The following PHACTR1 variants were observed in gnomAD, a reference collection of about 807,000 sequenced individuals.
PHACTR1 encodes phosphatase and actin regulator 1, also known as RPEL repeat containing 1.
PHACTR1 carries 16 observed loss-of-function variants against 69.2 expected under a neutral mutation model. That is an observed-to-expected ratio of 0.23 (90% CI 0.16 to 0.35). The LOEUF is 0.35. PHACTR1 is among the 10% of genes least tolerant of loss of function. The pLI, the probability that PHACTR1 is intolerant of heterozygous loss-of-function variation, is 1.00. For missense variants in PHACTR1, 510 were observed against 734.7 expected (o/e 0.69, Z 3.54); for synonymous variants, 312 against 284.5 (o/e 1.10, Z -0.97).
intron 4 of PHACTR1, among the ~76,000 whole-genome samples, chr6:12,866,364 G>A (rs966411638): frequency 6.6e-6 from 1 of 152,074 alleles, no homozygotes; most frequent in African/African-American, 2.4e-5. Context: ...CTTAACCTAT[G>A]GGCTATTTTA....
intron 5 of PHACTR1, among the ~76,000 whole-genome samples, chr6:13,114,256 T>C (rs1817482817): frequency 6.6e-6 from 1 of 152,148 alleles, no homozygotes. Flanking sequence ...TTTTTTTCCT[T>C]TCTAAAAACT....
intron 10 of PHACTR1, chr6:13,272,618 G>C: frequency 7.9e-7 from 1 of 1,262,432 alleles, no homozygotes; most frequent in Non-Finnish European, 1.1e-6. Context: ...ATGGGGCTGG[G>C]GAGGGGCCGC....
rs77655535 is a variant in PHACTR1 at position 12,805,858 on chromosome 6, C to T, written c.250+56068C>T. ...TCAGGTGATCTGCCTGCCTCAGGTT[C>T]CCAAAGTGCTGGGACTACGGGCGTG... On this transcript the variant is annotated intron_variant, in intron 4 of 14. Transcript: ENST00000332995. Among the ~76,000 whole-genome samples the T allele has an allele frequency of 2.9e-3, 435 of 152,282 alleles. 4 individuals carry two copies. The highest frequency in any genetic ancestry group is 0.01 in the African/African-American group (419 of 41,568).
chr6:13,019,066 A>ATTT (rs369553785), intron 4 of PHACTR1, among the ~76,000 whole-genome samples: 36 of 134,638 alleles, frequency 2.7e-4, no homozygotes, highest in East Asian at 2.7e-3. Context: ...ATATATATAT[A>ATTT]TATATATATT....
intron 3 of PHACTR1, among the ~76,000 whole-genome samples, chr6:12,730,278 T>C (rs1763328391): frequency 6.6e-6 from 1 of 152,210 alleles, no homozygotes; most frequent in Admixed American, 6.5e-5. Flanking sequence ...AAACATATTT[T>C]CTAAATGAAA....
rs755281790 is a variant in PHACTR1 at position 13,048,183 on chromosome 6, G to T, written c.251-5182G>T. On this transcript the variant is annotated intron_variant, in intron 4 of 14. Transcript: ENST00000332995. Reference sequence around the variant, plus strand: ...TGGTAGAGCAGGAAAGACCCCAGGAGTTTGCTTGCCCATGGCTCTCTCCTC... The same window carrying T: ...TGGTAGAGCAGGAAAGACCCCAGGATTTTGCTTGCCCATGGCTCTCTCCTC... Among the ~76,000 whole-genome samples, 3 of 152,188 alleles carry T rather than the reference G, an allele frequency of 2.0e-5. No homozygotes were observed. The South Asian group carries it at 6.2e-4, about 32-fold the overall frequency.
chr6:13,226,361 T>C (rs1292845310), intron 8 of PHACTR1, among the ~76,000 whole-genome samples: 1 of 152,210 alleles, frequency 6.6e-6, no homozygotes, highest in Non-Finnish European at 1.5e-5. Context: ...GAGGCATGCA[T>C]TCATATGTCA....
At chr6:13,044,160 C>A (rs1804643941) in intron 4 of PHACTR1, among the ~76,000 whole-genome samples, 1 of 152,042 alleles carries the variant, frequency 6.6e-6, no homozygotes, top group African/African-American at 2.4e-5. Flanking sequence ...CCTGTCTGGT[C>A]TGTTCACAAT....
chr6:13,198,441 T>C (rs568130519), intron 7 of PHACTR1, among the ~76,000 whole-genome samples: 57 of 152,262 alleles, frequency 3.7e-4, no homozygotes, highest in African/African-American at 1.2e-3. Context: ...GTGGAATAAC[T>C]GTCTGGAGTG....
chr6:12,748,242 A>G (rs1284165656), intron 3 of PHACTR1, among the ~76,000 whole-genome samples: 1 of 152,180 alleles, frequency 6.6e-6, no homozygotes, highest in Admixed American at 6.5e-5. Context: ...ATGAGTAGTT[A>G]CTATGCACGT....
At chr6:13,112,732 T>C (rs1220121650) in intron 5 of PHACTR1, among the ~76,000 whole-genome samples, 7 of 152,198 alleles carry the variant, frequency 4.6e-5, no homozygotes, top group Non-Finnish European at 1.0e-4. Context: ...TTGTTTTGTT[T>C]TTTTCTTGTA....
intron 5 of PHACTR1, among the ~76,000 whole-genome samples, chr6:13,113,954 T>A (rs1274658372): frequency 6.6e-6 from 1 of 152,120 alleles, no homozygotes; most frequent in Non-Finnish European, 1.5e-5. Context: ...GCAATAAAAC[T>A]ATATTAATTT....
At chr6:13,141,579 C>G (rs1380133999) in intron 5 of PHACTR1, among the ~76,000 whole-genome samples, 1 of 152,070 alleles carries the variant, frequency 6.6e-6, no homozygotes, top group Non-Finnish European at 1.5e-5. Flanking sequence ...TGCTTCCTGC[C>G]CTGTCTCGCT....
chr6:13,202,375 G>A (rs779607220), intron 7 of PHACTR1, among the ~76,000 whole-genome samples: 1 of 152,020 alleles, frequency 6.6e-6, no homozygotes, highest in Non-Finnish European at 1.5e-5. Flanking sequence ...GCACCTACTT[G>A]CCTTAGAGAA....
At chr6:12,964,814 A>G (rs1793225305) in intron 4 of PHACTR1, among the ~76,000 whole-genome samples, 1 of 152,190 alleles carries the variant, frequency 6.6e-6, no homozygotes, top group Non-Finnish European at 1.5e-5. Flanking sequence ...TTCTTAGATT[A>G]TGTCCTTTAA....
In PHACTR1 at chr6:12,782,018, C is replaced by T. The variant is rs538048516; in HGVS notation, c.250+32228C>T. Among the ~76,000 whole-genome samples, 4 of 152,272 alleles carry T rather than the reference C, an allele frequency of 2.6e-5. No individual in the cohort carries two copies. In the South Asian group the frequency reaches 8.3e-4, roughly 32 times the overall value. The stretch of plus-strand genomic sequence containing the variant: ...CCATGGCAGTGGAATTGTGCTGTCT[C>T]CTGCCTGGGCTCTGGCCTCTGCTCT... On this transcript the variant is annotated intron_variant, in intron 4 of 14. Transcript: ENST00000332995.
intron 3 of PHACTR1, among the ~76,000 whole-genome samples, chr6:12,733,836 A>G (rs747431162): frequency 6.6e-6 from 1 of 152,252 alleles, no homozygotes; most frequent in Non-Finnish European, 1.5e-5. Flanking sequence ...TACAGCAACT[A>G]TATTGAAAAT....
intron 5 of PHACTR1, among the ~76,000 whole-genome samples, chr6:13,105,366 G>A (rs534551792): frequency 2.6e-5 from 4 of 152,052 alleles, no homozygotes; most frequent in Non-Finnish European, 5.9e-5. Flanking sequence ...GTGAGAGAGT[G>A]AGACACTGTC....
chr6:12,723,000 C>T (rs1267941972), intron 3 of PHACTR1, among the ~76,000 whole-genome samples: 2 of 152,176 alleles, frequency 1.3e-5, no homozygotes, highest in Admixed American at 6.5e-5. Flanking sequence ...AATGCTACCC[C>T]ACACACTCAA....
Sources: allele counts gnomAD v4.1 joint callset (sites outside exome capture counted in the v4.1 genomes callset), GRCh38; gene constraint gnomAD v4.1.1; transcripts MANE v1.5; gene names NCBI Gene and HGNC (gene_info 2026-07-23, HGNC 2026-07-21).